Variants in SLC25A12 observed in about 807,000 individuals in gnomAD.
SLC25A12 encodes the protein electrogenic aspartate/glutamate antiporter SLC25A12, mitochondrial.
Under a neutral mutation model 83.3 loss-of-function variants are expected in SLC25A12, and 32 were observed. The ratio of observed to expected loss-of-function variants is 0.38; its 90% confidence interval spans 0.29 to 0.52. The LOEUF (loss-of-function observed/expected upper bound fraction) is 0.52. Ranked by LOEUF, SLC25A12 falls within the 20% of genes least tolerant of loss-of-function variation. SLC25A12 has a pLI of 0.84. For synonymous variants in SLC25A12, 267 were observed against 291.1 expected (o/e 0.92, Z 0.84); for missense variants, 611 against 835.6 (o/e 0.73, Z 3.31).
intron 5 of SLC25A12, among the ~76,000 whole-genome samples, chr2:171,841,894 C>G (rs1285335670): frequency 6.6e-6 from 1 of 152,158 alleles, no homozygotes; most frequent in African/African-American, 2.4e-5. Context: ...TGAGCTTACA[C>G]AGTCTGGCTT....
At chr2:171,881,147 T>TTTTGTTGTTGTTGTTG (rs1553477533) in intron 2 of SLC25A12, among the ~76,000 whole-genome samples, 6 of 151,970 alleles carry the variant, frequency 3.9e-5, no homozygotes, top group African/African-American at 1.5e-4. Flanking sequence ...ATTTTCTTTT[T>TTTTGTTGTTGTTGTTG]TTGTTGTTGT....
intron 13 of SLC25A12, among the ~76,000 whole-genome samples, chr2:171,808,794 C>T (rs1282173715): frequency 6.6e-6 from 1 of 152,100 alleles, no homozygotes; most frequent in Admixed American, 6.6e-5. Flanking sequence ...GTTTGCTGCA[C>T]CCATCAACTC....
At chr2:171,869,586 C>T (rs931510502) in intron 2 of SLC25A12, among the ~76,000 whole-genome samples, 2 of 152,032 alleles carry the variant, frequency 1.3e-5, no homozygotes, top group Non-Finnish European at 2.9e-5. Flanking sequence ...TATTCTTTGA[C>T]ATCAGTAATT....
At chr2:171,884,861 A>ATC (rs972459982) in intron 2 of SLC25A12, among the ~76,000 whole-genome samples, 19 of 152,002 alleles carry the variant, frequency 1.2e-4, no homozygotes, top group African/African-American at 3.6e-4. Flanking sequence ...GCTCTATCTT[A>ATC]TCTCTATAAA....
At chr2:171,819,133 A>G (rs1050429469) in intron 9 of SLC25A12, among the ~76,000 whole-genome samples, 3 of 138,184 alleles carry the variant, frequency 2.2e-5, no homozygotes, top group Non-Finnish European at 4.6e-5. Flanking sequence ...TATAATACAT[A>G]TTATATATAA....
At chr2:171,843,391 T>C (rs912277951) in intron 5 of SLC25A12, among the ~76,000 whole-genome samples, 1 of 149,780 alleles carries the variant, frequency 6.7e-6, no homozygotes, top group Non-Finnish European at 1.5e-5. Flanking sequence ...CCCAGCACTT[T>C]GGGTGGTCAA....
chr2:171,815,299 C>T, intron 9 of SLC25A12, 97 bp from the exon 10 acceptor site: 1 of 835,108 alleles, frequency 1.2e-6, no homozygotes, highest in East Asian at 2.5e-5. Flanking sequence ...AAAAACAAAA[C>T]CTAAAAGTGA....
At chr2:171,819,377 T>A (rs185566419) in intron 9 of SLC25A12, among the ~76,000 whole-genome samples, 731 of 39,806 alleles carry the variant, frequency 0.018, 6 homozygotes, top group African/African-American at 0.032. Flanking sequence ...TATAATATAT[T>A]ATATATAATA....
intron 13 of SLC25A12, among the ~76,000 whole-genome samples, chr2:171,795,899 A>T (rs1031391953): frequency 1.3e-5 from 2 of 151,844 alleles, no homozygotes; most frequent in African/African-American, 4.8e-5. Context: ...CTTTCTACTG[A>T]AACTTTACAA....
At chr2:171,797,619 ATTC>A (rs747439895) in intron 13 of SLC25A12, among the ~76,000 whole-genome samples, 27 of 152,200 alleles carry the variant, frequency 1.8e-4, no homozygotes, top group East Asian at 5.8e-4. Context: ...TCTCTCGCAT[ATTC>A]TTCTTCATGG....
At chr2:171,842,749 G>C (rs1573975658) in intron 5 of SLC25A12, among the ~76,000 whole-genome samples, 1 of 152,244 alleles carries the variant, frequency 6.6e-6, no homozygotes, top group African/African-American at 2.4e-5. Context: ...TTTCTTTTTG[G>C]GATGATAAAA....
intron 9 of SLC25A12, among the ~76,000 whole-genome samples, chr2:171,819,493 C>A (rs1402174424): frequency 7.4e-6 from 1 of 134,260 alleles, no homozygotes; most frequent in Admixed American, 8.3e-5. Context: ...ATAATTTTCC[C>A]CTGAATGCTA....
chr2:171,792,861 T>A (rs1683510109), intron 14 of SLC25A12, among the ~76,000 whole-genome samples: 1 of 152,202 alleles, frequency 6.6e-6, no homozygotes, highest in Non-Finnish European at 1.5e-5. Context: ...TAATTTGCAG[T>A]TACCGAAACA....
At chr2:171,796,420 T>G (rs1284662573) in intron 13 of SLC25A12, among the ~76,000 whole-genome samples, 1 of 152,162 alleles carries the variant, frequency 6.6e-6, no homozygotes, top group East Asian at 1.9e-4. Flanking sequence ...TCAATGACAC[T>G]ATAGCAAGGC....
Position 171,837,108 on chromosome 2 carries a change from G to C in SLC25A12, c.612+13C>G. The C allele has an allele frequency of 6.2e-7, 1 of 1,613,326 alleles. No individual in the cohort carries two copies. Among genetic ancestry groups the C allele is most frequent in the South Asian group, 1.1e-5 (1 of 91,052 alleles). ...GAGGAAATAGAAAGTTAAAGAACTT[G>C]CTTTTTACTTACTGAAACTAAGTTC... On this transcript the variant is annotated intron_variant, in intron 6 of 17. Coordinates refer to ENST00000422440, the MANE Select transcript of SLC25A12 (RefSeq NM_003705.5).
chr2:171,885,345 T>A (rs954395445), intron 2 of SLC25A12, among the ~76,000 whole-genome samples: 8 of 151,700 alleles, frequency 5.3e-5, no homozygotes, highest in East Asian at 3.9e-4. Flanking sequence ...TTTTTTTTTT[T>A]AATGAGAACT....
intron 8 of SLC25A12, among the ~76,000 whole-genome samples, chr2:171,831,959 C>T (rs1282920954): frequency 6.6e-6 from 1 of 151,894 alleles, no homozygotes; most frequent in Non-Finnish European, 1.5e-5. Flanking sequence ...CCCCTGTCTA[C>T]AAGTGTTGTG....
chr2:171,805,220 T>G (rs768775801), intron 13 of SLC25A12, among the ~76,000 whole-genome samples: 2 of 151,814 alleles, frequency 1.3e-5, no homozygotes, highest in Non-Finnish European at 2.9e-5. Context: ...GCGATTCTCC[T>G]ACCTCAGCCT....
At chr2:171,833,091 C>A (rs1684477252) in intron 8 of SLC25A12, among the ~76,000 whole-genome samples, 1 of 152,080 alleles carries the variant, frequency 6.6e-6, no homozygotes, top group Non-Finnish European at 1.5e-5. Context: ...CAGATTATTT[C>A]TTCTCACCTA....
Sources: allele counts gnomAD v4.1 joint callset (sites outside exome capture counted in the v4.1 genomes callset), GRCh38; gene constraint gnomAD v4.1.1; transcripts MANE v1.5; gene names NCBI Gene and HGNC (gene_info 2026-07-23, HGNC 2026-07-21).